The following PCDHGB6 variants were observed in gnomAD, a reference collection of about 807,000 sequenced individuals.
PCDHGB6 encodes protocadherin gamma-B6.
A neutral mutation model predicts 59.1 loss-of-function variants in PCDHGB6; 51 were observed. The ratio of observed to expected loss-of-function variants is 0.86; its 90% CI spans 0.69 to 1.09. The LOEUF is 1.09. Among genes scored for constraint, PCDHGB6 ranks in the 50% least tolerant of loss-of-function variants. PCDHGB6 has a pLI of 0.00. For synonymous variants in PCDHGB6, 466 were observed against 495.1 expected (o/e 0.94, Z 0.78); for missense variants, 1,148 against 1,205.1 (o/e 0.95, Z 0.70).
At position 141,490,490 on chromosome 5, in the gene PCDHGB6, C is replaced by T; in HGVS notation, c.2419-4317C>T. 1 of 1,614,184 alleles carries T rather than the reference C, an allele frequency of 6.2e-7. No homozygotes were observed. The highest frequency in any genetic ancestry group is 8.5e-7 in the Non-Finnish European group (1 of 1,180,028). The stretch of plus-strand genomic sequence containing the variant: ...AGCCAGCCTTTGGACCGGGAGGCCA[C>T]ATCCCACTATATCATCGAGCTGCTG... On this transcript the variant is annotated intron_variant, in intron 1 of 3. Coordinates refer to ENST00000520790, the MANE Select transcript of PCDHGB6 (RefSeq NM_018926.3). The surrounding 1 kb of genome is among the most constrained non-coding windows in gnomAD (Gnocchi z 5.4).
intron 1 of PCDHGB6, among the ~76,000 whole-genome samples, chr5:141,435,219 C>A (rs1226171884): frequency 6.6e-6 from 1 of 152,118 alleles, no homozygotes; most frequent in Non-Finnish European, 1.5e-5. Flanking sequence ...AATTTACTTT[C>A]TTTCAAAGTT....
At chr5:141,465,922 T>A (rs7704812) in intron 1 of PCDHGB6, among the ~76,000 whole-genome samples, 42,795 of 151,826 alleles carry the variant, frequency 0.28, 6,697 homozygotes, top group African/African-American at 0.42. Flanking sequence ...GGATTTCGAG[T>A]CCATCCTGGC....
At chr5:141,508,267 C>G (rs993402135) in intron 3 of PCDHGB6, 5 of 152,336 alleles carry the variant, frequency 3.3e-5, no homozygotes, top group African/African-American at 9.6e-5. Context: ...AAGAGAAAAT[C>G]CCGGTCCTTG....
chr5:141,460,498 T>C (rs1028506755), intron 1 of PCDHGB6, among the ~76,000 whole-genome samples: 3 of 152,184 alleles, frequency 2.0e-5, no homozygotes, highest in African/African-American at 7.2e-5. Context: ...TGGAAAAATA[T>C]GCTGAGAAGG....
chr5:141,428,395 G>A, intron 1 of PCDHGB6: 1 of 488,280 alleles, frequency 2.0e-6, no homozygotes, highest in Non-Finnish European at 3.8e-6. Flanking sequence ...CAGCCCCTCT[G>A]CCTGGGGTTG....
Position 141,409,737 on chromosome 5 carries a change from G to C in PCDHGB6, c.1535G>C (p.Gly512Ala), listed in dbSNP as rs199531162. The C allele has an allele frequency of 1.4e-3, 2,254 of 1,613,108 alleles. 2 individuals carry two copies. Among genetic ancestry groups the C allele is most frequent in the Non-Finnish European group, 1.8e-3 (2,079 of 1,179,866 alleles). The change falls in exon 1 of 4, where the codon GGG (glycine) becomes GCG (alanine). Residue 512 changes from glycine (G) to alanine (A), a missense_variant. This residue lies in a region of PCDHGB6 where 549 missense variants were observed against 527.5 expected (regional missense o/e 1.04). Coordinates refer to ENST00000520790, the MANE Select transcript of PCDHGB6 (RefSeq NM_018926.3). Reference protein sequence around the residue: ...SSYVSVSAQSGVVFAQRAFDH... With the variant: ...SSYVSVSAQSAVVFAQRAFDH... ...TACGTGTCAGTGAGCGCGCAGAGCGGGGTGGTGTTCGCGCAGCGCGCCTTT... is the reference window on the plus strand; with the variant it reads ...TACGTGTCAGTGAGCGCGCAGAGCGCGGTGGTGTTCGCGCAGCGCGCCTTT...
At position 141,490,597 on chromosome 5, in the gene PCDHGB6, C is replaced by G. The variant is rs781077720; in HGVS notation, c.2419-4210C>G. 1 of 1,614,182 alleles carries G rather than the reference C, an allele frequency of 6.2e-7. No homozygotes were observed. On this transcript the variant is annotated intron_variant, in intron 1 of 3. Transcript: ENST00000520790. This position sits in a 1 kb window ranked among gnomAD's most constrained non-coding sequence, Gnocchi z 5.4. ...TTCAGATGTCAATGACAATGCACCC[C>G]GCTTCAACCAGCAGCTTTACACTGC...
chr5:141,421,811 T>A, intron 1 of PCDHGB6: 1 of 1,613,766 alleles, frequency 6.2e-7, no homozygotes, highest in Non-Finnish European at 8.5e-7. Flanking sequence ...AATCCAGAGC[T>A]AGTACTGGAG....
At chr5:141,446,922 T>G (rs939249512) in intron 1 of PCDHGB6, among the ~76,000 whole-genome samples, 1 of 152,220 alleles carries the variant, frequency 6.6e-6, no homozygotes, top group Non-Finnish European at 1.5e-5. Context: ...TTTATCTTCC[T>G]GATCTCTTTT....
intron 2 of PCDHGB6, among the ~76,000 whole-genome samples, chr5:141,497,578 T>C (rs2099778035): frequency 1.3e-5 from 2 of 150,806 alleles, no homozygotes; most frequent in South Asian, 4.2e-4. Context: ...CTTGCTCTGT[T>C]GCCCAAGCTG....
chr5:141,480,390 T>C (rs753766736), intron 1 of PCDHGB6, among the ~76,000 whole-genome samples: 14 of 151,350 alleles, frequency 9.3e-5, no homozygotes, highest in Non-Finnish European at 1.9e-4. Flanking sequence ...ACTTCAACCA[T>C]GGCAATAGAG....
At chr5:141,421,844 A>C (rs1261967247) in intron 1 of PCDHGB6, 2 of 1,613,740 alleles carry the variant, frequency 1.2e-6, no homozygotes, top group East Asian at 4.5e-5. Context: ...CGAGAGAAAG[A>C]GGCTGCTCAC....
At chr5:141,425,159 G>T (rs557552439) in intron 1 of PCDHGB6, among the ~76,000 whole-genome samples, 1 of 152,244 alleles carries the variant, frequency 6.6e-6, no homozygotes, top group Non-Finnish European at 1.5e-5. Context: ...AGCATCTAGG[G>T]ATAGGATTTA....
At position 141,431,098 on chromosome 5, in the gene PCDHGB6, A is replaced by G; in HGVS notation, c.2418+20478A>G. The G allele has an allele frequency of 6.2e-7, 1 of 1,614,260 alleles. No homozygotes were observed. The highest frequency in any genetic ancestry group is 8.5e-7 in the Non-Finnish European group (1 of 1,180,040). On this transcript the variant is annotated intron_variant, in intron 1 of 3. Transcript: ENST00000520790. This position sits in a 1 kb window ranked among gnomAD's most constrained non-coding sequence, Gnocchi z 4.8. ...ATCTAGACATTCTGATGGAGGATAA[A>G]GTGAAAATATATGGAGTAGAAGTAG...
rs2099693161 is a variant in PCDHGB6, at chr5:141,489,871, G to T, written c.2419-4936G>T. ...TGAAGCCCAGGCAAGACATCAGCTG[G>T]TGCTTACTGCTGTGGATGGGGGGAC... On this transcript the variant is annotated intron_variant, in intron 1 of 3. Coordinates refer to ENST00000520790, the MANE Select transcript of PCDHGB6 (RefSeq NM_018926.3). This position sits in a 1 kb window ranked among gnomAD's most constrained non-coding sequence, Gnocchi z 4.5. The T allele has an allele frequency of 6.2e-7, 1 of 1,614,088 alleles. No homozygotes were observed. Among genetic ancestry groups the T allele is most frequent in the Non-Finnish European group, 8.5e-7 (1 of 1,180,022 alleles).
chr5:141,476,574 G>A lies in PCDHGB6; in HGVS notation c.2419-18233G>A, dbSNP rs746783993. ...AGCGAGGCCGTGGCTCCGGGGACGC[G>A]CTTTCCGCTCGAGAGCGCGCACGAT... is the stretch of plus-strand genomic sequence containing the variant. On this transcript the variant is annotated intron_variant, in intron 1 of 3. Coordinates refer to ENST00000520790, the MANE Select transcript of PCDHGB6 (RefSeq NM_018926.3). The surrounding 1 kb of genome is among the most constrained non-coding windows in gnomAD (Gnocchi z 7.6). 40 of 1,614,084 alleles carry A rather than the reference G, an allele frequency of 2.5e-5. No homozygotes were observed. In the African/African-American group the frequency reaches 3.7e-4, roughly 15 times the overall value.
At position 141,478,147 on chromosome 5, in the gene PCDHGB6, C is replaced by T. The variant is rs199689679; in HGVS notation, c.2419-16660C>T. On this transcript the variant is annotated intron_variant, in intron 1 of 3. Transcript: ENST00000520790. The stretch of plus-strand genomic sequence containing the variant: ...ACTCTCCTGAAGCCCGAGCCGAGTT[C>T]CCCTCTGGCTCTGCCCCCCGGGAGC... The T allele has an allele frequency of 2.0e-5, 32 of 1,614,076 alleles. 1 individual carries two copies. In the East Asian group the frequency reaches 5.3e-4, roughly 27 times the overall value.
chr5:141,409,631 T>C lies in PCDHGB6; in HGVS notation c.1429T>C (p.Ser477Pro), dbSNP rs773588699. Reference sequence around the variant, plus strand: ...AGCCTCCATTGCGCAAGTGAGCGCCTCTGACCCGGATTTGGGGCTCAATGG... The same window carrying C: ...AGCCTCCATTGCGCAAGTGAGCGCCCCTGACCCGGATTTGGGGCTCAATGG... ...PGASIAQVSASDPDLGLNGHI... is the reference protein window; with the variant it reads ...PGASIAQVSAPDPDLGLNGHI... Residue 477 changes from serine to proline, a missense_variant, in exon 1 of 4, where the codon TCT (serine) becomes CCT (proline). Coordinates refer to ENST00000520790, the MANE Select transcript of PCDHGB6 (RefSeq NM_018926.3). 27 of 1,613,698 alleles carry C rather than the reference T, an allele frequency of 1.7e-5. No homozygotes were observed. The highest frequency in any genetic ancestry group is 2.2e-5 in the Non-Finnish European group (26 of 1,179,880).
At chr5:141,469,081 A>C (rs1451214440) in intron 1 of PCDHGB6, among the ~76,000 whole-genome samples, 1 of 151,790 alleles carries the variant, frequency 6.6e-6, no homozygotes, top group Non-Finnish European at 1.5e-5. Context: ...GTTTGAGACC[A>C]TTCTAGGCAA....
Sources: gnomAD v4.1 joint callset for allele counts (sites outside exome capture counted in the v4.1 genomes callset) on GRCh38, gnomAD v4.1.1 for gene constraint, gnomAD v4.1.1 regional missense constraint, Gnocchi (gnomAD v3.1) non-coding constraint, MANE v1.5 for transcripts, NCBI Gene and HGNC (gene_info 2026-07-23, HGNC 2026-07-21) for gene names.